Variants in LPCAT3 observed in about 807,000 individuals in gnomAD.
LPCAT3 encodes lysophosphatidylcholine acyltransferase 3.
In LPCAT3, 21 loss-of-function variants were observed where a neutral mutation model predicts 63.4. The observed-to-expected ratio is 0.33, with a 90% CI of 0.23 to 0.48. The LOEUF (loss-of-function observed/expected upper bound fraction) is 0.48, where lower values mean the gene tolerates loss of function less well. LPCAT3 is among the 20% of genes least tolerant of loss of function. The pLI is 0.99. For missense variants in LPCAT3, 451 were observed against 590.6 expected (o/e 0.76, Z 2.45); for synonymous variants, 242 against 227.5 (o/e 1.06, Z -0.58).
intron 1 of LPCAT3, among the ~76,000 whole-genome samples, chr12:7,012,968 T>C (rs1192893689): frequency 6.6e-6 from 1 of 152,218 alleles, no homozygotes; most frequent in Non-Finnish European, 1.5e-5. Context: ...TATCGAGCCT[T>C]TTCTACAAGC....
At chr12:7,009,419 G>A (rs1946747648) in intron 1 of LPCAT3, among the ~76,000 whole-genome samples, 1 of 152,184 alleles carries the variant, frequency 6.6e-6, no homozygotes, top group Non-Finnish European at 1.5e-5. Context: ...GGCACCGGAA[G>A]AAATATGCTA....
At chr12:6,989,594 G>T (rs1438039462) in intron 1 of LPCAT3, among the ~76,000 whole-genome samples, 1 of 152,006 alleles carries the variant, frequency 6.6e-6, no homozygotes, top group Admixed American at 6.6e-5. Context: ...CACCGTGCCC[G>T]GCCAATGCTG....
chr12:7,008,614 T>C (rs1468242186), intron 1 of LPCAT3, among the ~76,000 whole-genome samples: 3 of 152,052 alleles, frequency 2.0e-5, no homozygotes, highest in African/African-American at 7.2e-5. Context: ...CCTCTGGGTG[T>C]GGTGGCTCAC....
In LPCAT3 at chr12:6,987,749, T is replaced by G. The variant is rs1946542932; in HGVS notation, c.152-4210A>C. 2.5e-6 allele frequency: 1 copy of G among 400,608 alleles called. No individual in the cohort carries two copies. The highest frequency in any genetic ancestry group is 2.1e-5 in the African/African-American group (1 of 48,696). The allele number at this position is 400,608 out of a possible 1,614,324, so 24.8% of individuals were successfully genotyped here. ...AAAACACCACACATATTACTCTGCCTCTTTAAGTTGAATCTAATTTAACAT... is the reference window on the plus strand; with the variant it reads ...AAAACACCACACATATTACTCTGCCGCTTTAAGTTGAATCTAATTTAACAT... On this transcript the variant is annotated intron_variant, in intron 1 of 12. Coordinates refer to ENST00000261407, the MANE Select transcript of LPCAT3 (RefSeq NM_005768.6). The surrounding 1 kb of genome is among the most constrained non-coding windows in gnomAD (Gnocchi z 4.1).
At position 6,977,215 on chromosome 12, in the gene LPCAT3, T is replaced by C. The variant is rs1946413989; in HGVS notation, c.1395A>G (p.Leu465=). 6.2e-7 allele frequency: 1 copy of C among 1,614,028 alleles called. No individual in the cohort carries two copies. Among genetic ancestry groups the C allele is most frequent in the African/African-American group, 1.3e-5 (1 of 75,036 alleles). The change falls in exon 12 of 13, where the codon CTA becomes CTG. Residue 465 remains leucine, a synonymous_variant. Transcript: ENST00000261407. This position sits in a 1 kb window ranked among gnomAD's most constrained non-coding sequence, Gnocchi z 4.5. ...YFLGHIFFLS[L]LFILPYIHKA... Reference sequence around the variant, plus strand: ...TGTGAATATAAGGCAATATGAATAGTAGGCTCAGGAAGAAGATGTGGCCAA... The same window carrying C: ...TGTGAATATAAGGCAATATGAATAGCAGGCTCAGGAAGAAGATGTGGCCAA...
intron 1 of LPCAT3, among the ~76,000 whole-genome samples, chr12:7,016,910 T>C (rs1046960436): frequency 2.6e-5 from 4 of 152,202 alleles, no homozygotes; most frequent in Admixed American, 2.6e-4. Context: ...GTGATCTTTA[T>C]TTGGAAGAAA....
At chr12:6,978,841 C>A (rs1397958566) in intron 7 of LPCAT3, 152 bp from the exon 8 acceptor site, 7 of 1,064,796 alleles carry the variant, frequency 6.6e-6, no homozygotes, top group African/African-American at 1.6e-5. Context: ...ATTGCCTTCA[C>A]AATAGGCAGA....
At chr12:6,994,561 G>A (rs1946620335) in intron 1 of LPCAT3, among the ~76,000 whole-genome samples, 1 of 152,122 alleles carries the variant, frequency 6.6e-6, no homozygotes, top group Non-Finnish European at 1.5e-5. Context: ...CAACTTTCTA[G>A]GTTCAAGTGA....
intron 1 of LPCAT3, among the ~76,000 whole-genome samples, chr12:7,007,520 A>AGTCTCACT (rs1555156937): frequency 9.0e-6 from 1 of 111,442 alleles, no homozygotes; most frequent in African/African-American, 3.7e-5. Flanking sequence ...TTTGAGACGG[A>AGTCTCACT]GTCTCACTCT....
chr12:6,977,693 G>C lies in LPCAT3; in HGVS notation c.1093C>G (p.Leu365Val), dbSNP rs1946423658. The C allele has an allele frequency of 5.0e-6, 8 of 1,614,228 alleles. No homozygotes were observed. Among genetic ancestry groups the C allele is most frequent in the Non-Finnish European group, 6.8e-6 (8 of 1,180,052 alleles). Residue 365 changes from leucine (L) to valine (V), a missense_variant, in exon 10 of 13, where the codon CTC becomes GTC. Coordinates refer to ENST00000261407, the MANE Select transcript of LPCAT3 (RefSeq NM_005768.6). This position sits in a 1 kb window ranked among gnomAD's most constrained non-coding sequence, Gnocchi z 4.5. Reference sequence around the variant, plus strand: ...CAGAGGGCCAGGAATAGCAACGAGAGACCCTGAGAGAGTTCTTTATTTCCA... The same window carrying C: ...CAGAGGGCCAGGAATAGCAACGAGACACCCTGAGAGAGTTCTTTATTTCCA... ...FLGNKELSQG[L>V]SLLFLALWHG... is the part of the protein sequence containing the mutation.
At chr12:7,005,312 T>G (rs1946718595) in intron 1 of LPCAT3, among the ~76,000 whole-genome samples, 1 of 152,250 alleles carries the variant, frequency 6.6e-6, no homozygotes, top group Admixed American at 6.5e-5. Flanking sequence ...ATTGTGTGGA[T>G]ATAACATTTT....
At position 6,992,997 on chromosome 12, in the gene LPCAT3, T is replaced by C. The variant is rs186186662; in HGVS notation, c.152-9458A>G. Among the ~76,000 whole-genome samples the C allele has an allele frequency of 5.3e-5, 8 of 152,348 alleles. No homozygotes were observed. In the East Asian group the frequency reaches 1.5e-3, roughly 29 times the overall value. On this transcript the variant is annotated intron_variant, in intron 1 of 12. Coordinates refer to ENST00000261407, the MANE Select transcript of LPCAT3 (RefSeq NM_005768.6). ...TTTTTTATTTATATTTTTATTATTG[T>C]ATTATTATTTAGCTTAGAATCCATG...
chr12:6,977,351 G>C lies in LPCAT3; in HGVS notation c.1347+16C>G, dbSNP rs1555153389. Reference sequence around the variant, plus strand: ...CAGTGAGTCCCTCCCAGTCTCACAAGCAGGCCTTCACTTGCCTTAAGCCAT... The same window carrying C: ...CAGTGAGTCCCTCCCAGTCTCACAACCAGGCCTTCACTTGCCTTAAGCCAT... On this transcript the variant is annotated intron_variant, in intron 11 of 12. Coordinates refer to ENST00000261407, the MANE Select transcript of LPCAT3 (RefSeq NM_005768.6). This position sits in a 1 kb window ranked among gnomAD's most constrained non-coding sequence, Gnocchi z 4.5. The C allele has an allele frequency of 2.5e-6, 4 of 1,613,954 alleles. No individual in the cohort carries two copies. The highest frequency in any genetic ancestry group is 3.4e-6 in the Non-Finnish European group (4 of 1,179,952).
chr12:6,978,618 G>T lies in LPCAT3; in HGVS notation c.858C>A (p.Thr286=), dbSNP rs370471911. 2.5e-6 allele frequency: 4 copies of T among 1,614,050 alleles called. No individual in the cohort carries two copies. The highest frequency in any genetic ancestry group is 3.4e-6 in the Non-Finnish European group (4 of 1,180,032). Residue 286 remains threonine, a synonymous_variant, in exon 8 of 13, where the codon ACC becomes ACA. Coordinates refer to ENST00000261407, the MANE Select transcript of LPCAT3 (RefSeq NM_005768.6). ...TTCTACTTACTGTGACCAGCCAACA[G>T]GTGACATATTTGTACAGCACAAACT... ...WGKFVLYKYV[T]CWLVTEGVCI...
rs782345319 is a variant in LPCAT3, at chr12:6,977,919, G to A, written c.1041-174C>T. The A allele has an allele frequency of 5.7e-5, 41 of 721,812 alleles. No individual in the cohort carries two copies. Among genetic ancestry groups the A allele is most frequent in the Non-Finnish European group, 8.8e-5 (39 of 443,990 alleles). The allele number at this position is 721,812 out of a possible 1,614,324, so 44.7% of individuals were successfully genotyped here. On this transcript the variant is annotated intron_variant, in intron 9 of 12. Coordinates refer to ENST00000261407, the MANE Select transcript of LPCAT3 (RefSeq NM_005768.6). This position sits in a 1 kb window ranked among gnomAD's most constrained non-coding sequence, Gnocchi z 4.5. The stretch of plus-strand genomic sequence containing the variant: ...TGATTACTTTTAGAGATGGAAAGCA[G>A]ACCCAAGGCGGAGCTGGAGACCGTG...
intron 1 of LPCAT3, among the ~76,000 whole-genome samples, chr12:6,995,115 T>C (rs1240984238): frequency 9.3e-6 from 1 of 107,464 alleles, no homozygotes; most frequent in Non-Finnish European, 1.9e-5. Flanking sequence ...ATCAGCCTTC[T>C]CTGGGCTTTT....
intron 1 of LPCAT3, among the ~76,000 whole-genome samples, chr12:6,988,769 G>A (rs972501130): frequency 2.6e-5 from 4 of 152,158 alleles, no homozygotes; most frequent in Non-Finnish European, 5.9e-5. Context: ...TCTCAGCTTG[G>A]AGATTGGGGT....
Position 6,979,458 on chromosome 12 carries a change from A to G in LPCAT3, c.786+13T>C, listed in dbSNP as rs782012839. 1 of 1,582,020 alleles carries G rather than the reference A, an allele frequency of 6.3e-7. No homozygotes were observed. The highest frequency in any genetic ancestry group is 2.2e-5 in the East Asian group (1 of 44,722). On this transcript the variant is annotated intron_variant, in intron 7 of 12. Coordinates refer to ENST00000261407, the MANE Select transcript of LPCAT3 (RefSeq NM_005768.6). ...GGTGCAGTCATGCTGCTGCTGCTTTAGTAGACACTCACGTCATAGTCTTCA... is the reference window on the plus strand; with the variant it reads ...GGTGCAGTCATGCTGCTGCTGCTTTGGTAGACACTCACGTCATAGTCTTCA...
At chr12:7,002,115 C>T (rs1400842674) in intron 1 of LPCAT3, among the ~76,000 whole-genome samples, 2 of 152,144 alleles carry the variant, frequency 1.3e-5, no homozygotes, top group Admixed American at 6.5e-5. Context: ...GAATGGGGAG[C>T]GGCCAGGCCA....
Sources: gnomAD v4.1 joint callset for allele counts (sites outside exome capture counted in the v4.1 genomes callset) on GRCh38, gnomAD v4.1.1 for gene constraint, Gnocchi (gnomAD v3.1) non-coding constraint, MANE v1.5 for transcripts, NCBI Gene and HGNC (gene_info 2026-07-23, HGNC 2026-07-21) for gene names.